ACACA: variants seen among roughly 807,000 people sequenced by gnomAD.
ACACA encodes acetyl-CoA carboxylase 1.
A neutral mutation model predicts 296.1 loss-of-function variants in ACACA; 103 were observed. The ratio of observed to expected loss-of-function variants is 0.35; its 90% CI spans 0.30 to 0.41. The LOEUF (loss-of-function observed/expected upper bound fraction) is 0.41, where lower values mean the gene tolerates loss of function less well. Ranked by LOEUF, ACACA falls within the 10% of genes least tolerant of loss-of-function variation. The pLI, the probability that ACACA is intolerant of heterozygous loss-of-function variation, is 1.00. For missense variants in ACACA, 1,554 were observed against 2,989.7 expected (o/e 0.52, Z 11.20); for synonymous variants, 953 against 1,038.6 (o/e 0.92, Z 1.58).
intron 42 of ACACA, among the ~76,000 whole-genome samples, chr17:37,156,045 C>CT: frequency 7.5e-6 from 1 of 133,320 alleles, no homozygotes; most frequent in African/African-American, 2.8e-5. Flanking sequence ...CATTTTCTTT[C>CT]TTTCTTTCTT....
intron 41 of ACACA, among the ~76,000 whole-genome samples, chr17:37,173,985 TA>T (rs2076983843): frequency 1.2e-4 from 1 of 8,354 alleles, no homozygotes; most frequent in African/African-American, 5.7e-4. Flanking sequence ...GGCTAATTTA[TA>T]TATATATATA....
Position 37,097,272 on chromosome 17 carries a change from C to T in ACACA, c.6721-106G>A. ...AAACTGATTCTCCAGGCAAGCCCTT[C>T]ACAGACCCAAGAGCTGGCTGTAAAC... On this transcript the variant is annotated intron_variant, in intron 53 of 55. Coordinates refer to ENST00000616317, the MANE Select transcript of ACACA (RefSeq NM_198834.3). The surrounding 1 kb of genome is among the most constrained non-coding windows in gnomAD (Gnocchi z 4.8). 1 of 1,337,694 alleles carries T rather than the reference C, an allele frequency of 7.5e-7. No homozygotes were observed. Among genetic ancestry groups the T allele is most frequent in the South Asian group, 1.2e-5 (1 of 80,748 alleles). The allele number at this position is 1,337,694 out of a possible 1,614,324, so 82.9% of individuals were successfully genotyped here. A position where few individuals can be genotyped will look rare whatever the true frequency, so the allele number is the denominator to read the frequency against.
At chr17:37,302,489 C>T (rs977479706) in intron 3 of ACACA, among the ~76,000 whole-genome samples, 5 of 151,982 alleles carry the variant, frequency 3.3e-5, no homozygotes, top group South Asian at 2.1e-4. Flanking sequence ...GGATTACAGG[C>T]GTGAGCCACC....
chr17:37,299,393 G>C, intron 3 of ACACA: 2 of 1,612,748 alleles, frequency 1.2e-6, no homozygotes, highest in Non-Finnish European at 1.7e-6. Context: ...AACACAAGCC[G>C]CAGTTCCTCC....
At chr17:37,129,554 T>C in intron 46 of ACACA, 69 bp from the exon 47 acceptor site, 3 of 1,603,342 alleles carry the variant, frequency 1.9e-6, no homozygotes, top group Non-Finnish European at 1.7e-6. Flanking sequence ...TCAGCAACAA[T>C]AGTTATAGAC....
At chr17:37,314,104 CTT>C (rs34202919) in intron 3 of ACACA, among the ~76,000 whole-genome samples, 6 of 133,962 alleles carry the variant, frequency 4.5e-5, no homozygotes, top group Non-Finnish European at 4.7e-5. Context: ...ACTATATATT[CTT>C]TTTTTTTTTT....
intron 1 of ACACA, among the ~76,000 whole-genome samples, chr17:37,382,112 A>G (rs2050319435): frequency 6.6e-6 from 1 of 151,998 alleles, no homozygotes; most frequent in Admixed American, 6.6e-5. Context: ...CTTCTTGTAT[A>G]CCTGCAATTT....
rs1597773173 is a variant in ACACA at position 37,087,054 on chromosome 17, C to T, written c.*262G>A. On this transcript the variant is annotated 3_prime_UTR_variant, in exon 56 of 56. Transcript: ENST00000616317. ...ATGTTTGTACCTTTCATTGCCTTCT[C>T]AGTCCTGTGCAGGGAGTGGAGGACT... The T allele has an allele frequency of 1.7e-6, 1 of 572,494 alleles. No homozygotes were observed. Among genetic ancestry groups the T allele is most frequent in the African/African-American group, 1.9e-5 (1 of 53,328 alleles). The allele number at this position is 572,494 out of a possible 1,614,324, so 35.5% of individuals were successfully genotyped here.
chr17:37,289,088 C>CCCCGT (rs2082925656), intron 3 of ACACA, among the ~76,000 whole-genome samples: 1 of 151,926 alleles, frequency 6.6e-6, no homozygotes, highest in Non-Finnish European at 1.5e-5. Context: ...TATGGTGAAA[C>CCCCGT]CCCGTCTCTA....
At chr17:37,207,100 C>CT (rs1567813950) in intron 31 of ACACA, among the ~76,000 whole-genome samples, 1 of 152,060 alleles carries the variant, frequency 6.6e-6, no homozygotes, top group African/African-American at 2.4e-5. Flanking sequence ...TATATTTTTT[C>CT]TTTTTTAGAA....
intron 41 of ACACA, among the ~76,000 whole-genome samples, chr17:37,173,982 T>TTATTTATATA (rs1555573869): frequency 5.1e-5 from 1 of 19,450 alleles, no homozygotes; most frequent in Non-Finnish European, 1.0e-4. Flanking sequence ...CCTGGCTAAT[T>TTATTTATATA]TATATATATA....
intron 1 of ACACA, among the ~76,000 whole-genome samples, chr17:37,345,567 A>G (rs1012619351): frequency 3.9e-5 from 6 of 152,168 alleles, no homozygotes; most frequent in Non-Finnish European, 7.3e-5. Flanking sequence ...CTAAAAACAA[A>G]TAACTACCTG....
At chr17:37,268,290 T>C (rs1220367071) in intron 10 of ACACA, among the ~76,000 whole-genome samples, 2 of 152,216 alleles carry the variant, frequency 1.3e-5, no homozygotes, top group Admixed American at 6.5e-5. Context: ...CTGGATGTTA[T>C]CTTTCTCTGG....
At position 37,200,152 on chromosome 17, in the gene ACACA, T is replaced by C. The variant is rs2078180004; in HGVS notation, c.4145A>G (p.Asp1382Gly). 6.2e-7 allele frequency: 1 copy of C among 1,605,544 alleles called. No individual in the cohort carries two copies. The highest frequency in any genetic ancestry group is 8.5e-7 in the Non-Finnish European group (1 of 1,172,456). Residue 1382 changes from aspartate (D) to glycine (G), a missense_variant, in exon 35 of 56, where the codon GAT becomes GGT. By Grantham distance (94) the Asp-to-Gly change is moderately conservative (BLOSUM62 -1). This residue lies in a region of ACACA where 179 missense variants were observed against 283.2 expected (regional missense o/e 0.63). Transcript: ENST00000616317. ...CATTTTACTTACATGAAATCTCCGA[T>C]CCACCTCATAGTTGACCTGCTTTCT... The part of the protein sequence containing the change: ...DFRKQVNYEV[D>G]RRFHREFPKF...
rs1020067882 is a variant in ACACA at position 37,205,996 on chromosome 17, C to G, written c.3949-124G>C. 6.1e-6 allele frequency: 5 copies of G among 822,870 alleles called. No individual in the cohort carries two copies. The African/African-American group carries it at 8.4e-5, about 14-fold the overall frequency. The allele number at this position is 822,870 out of a possible 1,614,324, so 51.0% of individuals were successfully genotyped here. A position where few individuals can be genotyped will look rare whatever the true frequency, so the allele number is the denominator to read the frequency against. On this transcript the variant is annotated intron_variant, in intron 32 of 55. Coordinates refer to ENST00000616317, the MANE Select transcript of ACACA (RefSeq NM_198834.3). ...CACCCCACAGGATATTTTGGTTTGCCCAGCAGTAGGAATGAGCAAATTGAA... is the reference window on the plus strand; with the variant it reads ...CACCCCACAGGATATTTTGGTTTGCGCAGCAGTAGGAATGAGCAAATTGAA...
chr17:37,138,835 GCT>G (rs1382761473), intron 45 of ACACA, among the ~76,000 whole-genome samples: 4 of 152,218 alleles, frequency 2.6e-5, no homozygotes, highest in East Asian at 1.9e-4. Context: ...TCTTGCTCTG[GCT>G]CTCTTTTTCT....
chr17:37,118,495 C>T (rs1469827358), intron 50 of ACACA, among the ~76,000 whole-genome samples: 2 of 152,180 alleles, frequency 1.3e-5, no homozygotes, highest in Non-Finnish European at 2.9e-5. Flanking sequence ...AAGGACATCC[C>T]CAAAGTAGAG....
At chr17:37,117,808 A>G (rs2074330485) in intron 50 of ACACA, among the ~76,000 whole-genome samples, 1 of 145,780 alleles carries the variant, frequency 6.9e-6, no homozygotes, top group Non-Finnish European at 1.5e-5. Flanking sequence ...TTTTCCCTTC[A>G]CTAATGTCAA....
intron 45 of ACACA, among the ~76,000 whole-genome samples, chr17:37,132,504 A>G (rs1283915120): frequency 6.6e-6 from 1 of 152,182 alleles, no homozygotes; most frequent in Non-Finnish European, 1.5e-5. Flanking sequence ...GAAGGCATTC[A>G]GTGTGATCAG....
Sources: gnomAD v4.1 joint callset for allele counts (sites outside exome capture counted in the v4.1 genomes callset) on GRCh38, gnomAD v4.1.1 for gene constraint, gnomAD v4.1.1 regional missense constraint, Gnocchi (gnomAD v3.1) non-coding constraint, MANE v1.5 for transcripts, NCBI Gene and HGNC (gene_info 2026-07-23, HGNC 2026-07-21) for gene names.